ADD3: variants seen among roughly 807,000 people sequenced by gnomAD.
The protein encoded by ADD3 is adducin 3.
ADD3 carries 25 observed loss-of-function variants against 80.2 expected under a neutral mutation model. The ratio of observed to expected loss-of-function variants is 0.31; its 90% CI spans 0.23 to 0.44. The LOEUF (loss-of-function observed/expected upper bound fraction) is 0.44. Ranked by LOEUF, ADD3 falls within the 20% of genes least tolerant of loss-of-function variation. ADD3 has a pLI of 1.00. For synonymous variants in ADD3, 284 were observed against 289.6 expected, an observed-to-expected ratio of 0.98 and a Z score of 0.20; for missense variants, 829 against 847.5, an observed-to-expected ratio of 0.98 and a Z score of 0.27.
chr10:110,081,229 T>C (rs1436058165), intron 1 of ADD3, among the ~76,000 whole-genome samples: 1 of 152,214 alleles, frequency 6.6e-6, no homozygotes. Context: ...TAATTATTAG[T>C]GTTCCTTGTT....
At chr10:110,131,320 G>A (rs181993162) in intron 13 of ADD3, among the ~76,000 whole-genome samples, 11 of 152,260 alleles carry the variant, frequency 7.2e-5, no homozygotes, top group Admixed American at 5.2e-4. Flanking sequence ...CCTAGCAGGA[G>A]TTCTCTATCT....
rs1851194088 is a variant in ADD3 at position 110,119,545 on chromosome 10, A to G, written c.941A>G (p.Gln314Arg). The G allele has an allele frequency of 1.2e-6, 2 of 1,613,814 alleles. No individual in the cohort carries two copies. Among genetic ancestry groups the G allele is most frequent in the Non-Finnish European group, 1.7e-6 (2 of 1,179,728 alleles). The change falls in exon 8 of 15, where the codon CAA becomes CGA. Residue 314 changes from glutamine to arginine, a missense_variant. Gln to Arg is a conservative substitution (Grantham distance 43). Transcript: ENST00000356080. Reference sequence around the variant, plus strand: ...GCTTTTCATTATATTTTTAATGTGCAACTAGCCTGTGAGATTCAGGTAGGA... The same window carrying G: ...GCTTTTCATTATATTTTTAATGTGCGACTAGCCTGTGAGATTCAGGTAGGA... The part of the protein sequence containing the change: ...EEAFHYIFNV[Q>R]LACEIQVQAL...
At chr10:110,008,954 T>C (rs1851992215) in intron 1 of ADD3, among the ~76,000 whole-genome samples, 1 of 152,096 alleles carries the variant, frequency 6.6e-6, no homozygotes, top group Non-Finnish European at 1.5e-5. Context: ...GGTGTGCTGG[T>C]GTTTGGGGCA....
At chr10:110,127,499 C>CT in intron 12 of ADD3, among the ~76,000 whole-genome samples, 1 of 152,310 alleles carries the variant, frequency 6.6e-6, no homozygotes, top group Admixed American at 6.5e-5. Flanking sequence ...CACCTGTAGT[C>CT]CCAGCTACTC....
At position 110,119,458 on chromosome 10, in the gene ADD3, T is replaced by A. The variant is rs1447883000; in HGVS notation, c.862-8T>A. The A allele has an allele frequency of 6.2e-7, 1 of 1,613,922 alleles. No individual in the cohort carries two copies. The highest frequency in any genetic ancestry group is 1.1e-5 in the South Asian group (1 of 91,036). Reference sequence around the variant, plus strand: ...TTTCAAGTGATTGCTGTGGGCATTCTATTTTAGGTGCTGGTACTCAGGAAT... The same window carrying A: ...TTTCAAGTGATTGCTGTGGGCATTCAATTTTAGGTGCTGGTACTCAGGAAT... On this transcript the variant is annotated splice_region_variant and splice_polypyrimidine_tract_variant and intron_variant, in intron 7 of 14. Coordinates refer to ENST00000356080, the MANE Select transcript of ADD3 (RefSeq NM_016824.5).
intron 1 of ADD3, among the ~76,000 whole-genome samples, chr10:110,031,004 G>C (rs1033467114): frequency 1.3e-5 from 2 of 151,856 alleles, no homozygotes; most frequent in East Asian, 3.8e-4. Flanking sequence ...GTCCAGGCAC[G>C]GTGGCTCACG....
chr10:110,075,103 C>G (rs541822853), intron 1 of ADD3, among the ~76,000 whole-genome samples: 25 of 152,268 alleles, frequency 1.6e-4, no homozygotes, highest in Non-Finnish European at 3.1e-4. Context: ...ACTAACTACA[C>G]ATTGGGCAAG....
At chr10:110,125,709 T>C in intron 10 of ADD3, 117 bp from the exon 11 acceptor site, 1 of 656,826 alleles carries the variant, frequency 1.5e-6, no homozygotes, top group South Asian at 3.2e-5. Context: ...AGATACTGCT[T>C]AGTGAAATTA....
intron 1 of ADD3, among the ~76,000 whole-genome samples, chr10:110,091,242 G>A (rs1246440160): frequency 6.6e-6 from 1 of 152,070 alleles, no homozygotes; most frequent in Non-Finnish European, 1.5e-5. Flanking sequence ...ATATCTTTAG[G>A]AAATGATAGT....
chr10:110,071,168 T>A (rs1041700629), intron 1 of ADD3, among the ~76,000 whole-genome samples: 1 of 152,168 alleles, frequency 6.6e-6, no homozygotes, highest in Non-Finnish European at 1.5e-5. Flanking sequence ...GTAAAACATA[T>A]TTTTCCAAGT....
chr10:110,006,706 T>C (rs766226858), upstream of ADD3, among the ~76,000 whole-genome samples: 1 of 150,232 alleles, frequency 6.7e-6, no homozygotes, highest in Non-Finnish European at 1.5e-5. Context: ...ACTTCATATG[T>C]GGGAAGAGGA....
chr10:110,135,009 G>A lies in ADD3; in HGVS notation c.*1391G>A, dbSNP rs1437775824. ...TTTCACCCAAGTGATGTCACAGTTC[G>A]ATGCAAAATCAATGATCCAGAATGA... On this transcript the variant is annotated 3_prime_UTR_variant, in exon 15 of 15. Coordinates refer to ENST00000356080, the MANE Select transcript of ADD3 (RefSeq NM_016824.5). 6.6e-6 allele frequency: 1 copy of A among 152,132 alleles called. No individual in the cohort carries two copies. The highest frequency in any genetic ancestry group is 6.5e-5 in the Admixed American group (1 of 15,274). The allele number at this position is 152,132 out of a possible 1,614,324, so 9.4% of individuals were successfully genotyped here. A position where few individuals can be genotyped will look rare whatever the true frequency, so the allele number is the denominator to read the frequency against.
intron 1 of ADD3, among the ~76,000 whole-genome samples, chr10:110,070,594 A>C (rs1218211299): frequency 6.6e-6 from 1 of 152,242 alleles, no homozygotes; most frequent in Admixed American, 6.5e-5. Context: ...TGTACAGAAG[A>C]AATACATTTA....
chr10:110,063,591 T>C (rs1267457069), intron 1 of ADD3, among the ~76,000 whole-genome samples: 1 of 151,382 alleles, frequency 6.6e-6, no homozygotes, highest in East Asian at 1.9e-4. Context: ...AGTTATAAAT[T>C]CTTGCTATAG....
intron 1 of ADD3, among the ~76,000 whole-genome samples, chr10:110,019,691 A>G (rs1250438158): frequency 6.6e-6 from 1 of 152,192 alleles, no homozygotes; most frequent in Non-Finnish European, 1.5e-5. Flanking sequence ...CCATTGGGAT[A>G]AAGCATTTTT....
At chr10:110,108,201 A>T (rs954609754) in intron 2 of ADD3, among the ~76,000 whole-genome samples, 1 of 152,182 alleles carries the variant, frequency 6.6e-6, no homozygotes, top group Non-Finnish European at 1.5e-5. Context: ...TTAGCCTGGT[A>T]TTCCAGGATC....
chr10:110,048,894 C>T (rs570416997), intron 1 of ADD3, among the ~76,000 whole-genome samples: 33 of 152,300 alleles, frequency 2.2e-4, no homozygotes, highest in Non-Finnish European at 4.3e-4. Context: ...AAATGTTAAT[C>T]GCCAAAACAA....
At chr10:110,059,988 G>C (rs1564908291) in intron 1 of ADD3, among the ~76,000 whole-genome samples, 1 of 152,044 alleles carries the variant, frequency 6.6e-6, no homozygotes, top group Non-Finnish European at 1.5e-5. Flanking sequence ...CCTCGTCAAG[G>C]CTACTTGAAT....
intron 1 of ADD3, among the ~76,000 whole-genome samples, chr10:110,096,483 A>G (rs573753395): frequency 6.6e-6 from 1 of 152,298 alleles, no homozygotes; most frequent in Non-Finnish European, 1.5e-5. Context: ...AACAACAAAA[A>G]CAAAGCTTTG....
Sources: allele counts gnomAD v4.1 joint callset (sites outside exome capture counted in the v4.1 genomes callset), GRCh38; gene constraint gnomAD v4.1.1; transcripts MANE v1.5; gene names NCBI Gene and HGNC (gene_info 2026-07-23, HGNC 2026-07-21).